Variants in KIAA1217 observed in about 807,000 individuals in gnomAD.
The protein encoded by KIAA1217 is sickle tail protein homolog.
KIAA1217 carries 88 observed loss-of-function variants against 163.9 expected under a neutral mutation model. That is an observed-to-expected ratio of 0.54 (90% CI 0.45 to 0.64). KIAA1217 has a LOEUF of 0.64. Ranked by LOEUF, KIAA1217 falls within the 30% of genes least tolerant of loss-of-function variation. The probability of loss-of-function intolerance (pLI) is 0.00; values close to 1 mark genes in which losing one functional copy is unlikely to be tolerated. For missense variants in KIAA1217, 2,372 were observed against 2,475.0 expected (o/e 0.96, Z 0.88); for synonymous variants, 903 against 923.1 (o/e 0.98, Z 0.39).
At chr10:23,789,970 T>C (rs1188090665) in intron 1 of KIAA1217, among the ~76,000 whole-genome samples, 1 of 130,148 alleles carries the variant, frequency 7.7e-6, no homozygotes, top group South Asian at 2.4e-4. Flanking sequence ...CACATATACA[T>C]ATACATATAT....
rs4402187 is a variant in KIAA1217 at position 24,501,563 on chromosome 10, C to T, written c.2001+18C>T. On this transcript the variant is annotated intron_variant, in intron 9 of 20. Transcript: ENST00000376454. ...AGCTCCAGGTATTCCTCATGCACGG[C>T]GGCCTCTGTCTCGGTTGCCCTGAGC... 427,305 of 1,602,090 alleles carry T rather than the reference C, an allele frequency of 0.27. 57,782 individuals are homozygous for T. Among genetic ancestry groups the T allele is most frequent in the Middle Eastern group, 0.35 (1,872 of 5,318 alleles).
At chr10:24,416,261 G>A (rs117232995) in intron 3 of KIAA1217, among the ~76,000 whole-genome samples, 6,879 of 152,266 alleles carry the variant, frequency 0.045, 217 homozygotes, top group South Asian at 0.11. Flanking sequence ...GCAGCTCAGC[G>A]TGACTCAGTT....
intron 2 of KIAA1217, among the ~76,000 whole-genome samples, chr10:24,294,048 C>T (rs1590689497): frequency 6.6e-6 from 1 of 151,780 alleles, no homozygotes; most frequent in African/African-American, 2.4e-5. Context: ...AAAAAATAGC[C>T]GGGCGTGGTG....
intron 1 of KIAA1217, among the ~76,000 whole-genome samples, chr10:23,860,097 T>C (rs1192722507): frequency 2.0e-5 from 3 of 152,176 alleles, no homozygotes; most frequent in Admixed American, 6.5e-5. Context: ...TCGTACGTTC[T>C]GATTTCCATG....
intron 2 of KIAA1217, among the ~76,000 whole-genome samples, chr10:24,101,531 C>T (rs1267269626): frequency 6.6e-6 from 1 of 152,016 alleles, no homozygotes; most frequent in East Asian, 1.9e-4. Context: ...TTGCTGTTTT[C>T]ATTTATTCAT....
intron 2 of KIAA1217, among the ~76,000 whole-genome samples, chr10:24,020,232 A>G (rs184522611): frequency 5.3e-5 from 8 of 152,284 alleles, no homozygotes; most frequent in African/African-American, 1.9e-4. Context: ...TCACCTAGCC[A>G]TCAGCAGATG....
intron 2 of KIAA1217, among the ~76,000 whole-genome samples, chr10:24,147,644 A>G (rs1388559513): frequency 6.6e-6 from 1 of 151,866 alleles, no homozygotes; most frequent in Non-Finnish European, 1.5e-5. Flanking sequence ...GGGGTTTGAG[A>G]CCAGCCTGGC....
intron 2 of KIAA1217, among the ~76,000 whole-genome samples, chr10:24,350,218 A>G (rs2048290416): frequency 6.6e-6 from 1 of 152,216 alleles, no homozygotes; most frequent in African/African-American, 2.4e-5. Context: ...TATATGCTGC[A>G]GATGCTTCCT....
intron 2 of KIAA1217, among the ~76,000 whole-genome samples, chr10:24,297,350 G>A (rs920778312): frequency 4.6e-5 from 7 of 152,210 alleles, no homozygotes; most frequent in Non-Finnish European, 7.3e-5. Flanking sequence ...ACTACCATGA[G>A]TTTGCCTAAT....
chr10:24,406,392 A>ACACACACACACACACAC (rs2057218308), intron 3 of KIAA1217, among the ~76,000 whole-genome samples: 1 of 133,808 alleles, frequency 7.5e-6, no homozygotes, highest in African/African-American at 3.4e-5. Context: ...TTCACACACA[A>ACACACACACACACACAC]ACACACACAC....
rs2075540567 is a variant in KIAA1217, at chr10:24,544,849, TCC to T, written c.5212-131_5212-130del. On this transcript the variant is annotated intron_variant, in intron 19 of 20. Coordinates refer to ENST00000376454, the MANE Select transcript of KIAA1217 (RefSeq NM_019590.5). ...CTTCTGATTAACCCCAGTTGGTGTCTCCTAGATCTGTCCTGCATGTAGGGCTG... is the reference window on the plus strand; with the variant it reads ...CTTCTGATTAACCCCAGTTGGTGTCTTAGATCTGTCCTGCATGTAGGGCTG... 4.8e-5 allele frequency: 46 copies of T among 952,550 alleles called. 1 individual carries two copies. The South Asian group carries it at 6.9e-4, about 14-fold the overall frequency. The allele number at this position is 952,550 out of a possible 1,614,324, so 59.0% of individuals were successfully genotyped here.
chr10:23,937,657 C>G (rs1038070403), intron 1 of KIAA1217, among the ~76,000 whole-genome samples: 2 of 152,108 alleles, frequency 1.3e-5, no homozygotes, highest in Non-Finnish European at 2.9e-5. Flanking sequence ...TATTTTTTCC[C>G]CATGGCACCT....
intron 1 of KIAA1217, among the ~76,000 whole-genome samples, chr10:23,825,964 C>T (rs772627724): frequency 4.4e-4 from 67 of 152,250 alleles, no homozygotes; most frequent in Admixed American, 1.5e-3. Flanking sequence ...TGAGAAATAA[C>T]CAGCCCAGTT....
chr10:24,517,520 C>T (rs555912836), intron 10 of KIAA1217, among the ~76,000 whole-genome samples: 73 of 152,278 alleles, frequency 4.8e-4, no homozygotes, highest in African/African-American at 1.6e-3. Flanking sequence ...GAAATTTCAA[C>T]TCTGGAATAT....
intron 3 of KIAA1217, among the ~76,000 whole-genome samples, chr10:24,415,217 C>T (rs1198125856): frequency 2.7e-5 from 4 of 150,674 alleles, no homozygotes; most frequent in Non-Finnish European, 4.4e-5. Context: ...CAGGTTCAAG[C>T]GATTCTCCTG....
At chr10:24,116,882 C>A (rs1265793109) in intron 2 of KIAA1217, among the ~76,000 whole-genome samples, 3 of 152,138 alleles carry the variant, frequency 2.0e-5, no homozygotes, top group Non-Finnish European at 4.4e-5. Context: ...GTTTAACACA[C>A]ATTTGTAATA....
intron 2 of KIAA1217, among the ~76,000 whole-genome samples, chr10:24,260,044 G>T (rs1485863893): frequency 6.6e-6 from 1 of 152,182 alleles, no homozygotes; most frequent in East Asian, 1.9e-4. Flanking sequence ...AAATGGAGGG[G>T]CTTTCCTTAT....
intron 1 of KIAA1217, among the ~76,000 whole-genome samples, chr10:23,881,297 A>G (rs1840939022): frequency 6.6e-6 from 1 of 152,002 alleles, no homozygotes. Context: ...TTCACTTACA[A>G]TTATGAAATG....
chr10:24,118,813 G>A (rs1354027439), intron 2 of KIAA1217, among the ~76,000 whole-genome samples: 1 of 151,862 alleles, frequency 6.6e-6, no homozygotes, highest in Non-Finnish European at 1.5e-5. Flanking sequence ...GTCCTGTTGA[G>A]TAATGAAGCA....
Sources: allele counts gnomAD v4.1 joint callset (sites outside exome capture counted in the v4.1 genomes callset), GRCh38; gene constraint gnomAD v4.1.1; transcripts MANE v1.5; gene names NCBI Gene and HGNC (gene_info 2026-07-23, HGNC 2026-07-21).